UST: variants seen among roughly 807,000 people sequenced by gnomAD.
UST encodes the protein chondroitin sulfate 2-O-sulfotransferase.
A neutral mutation model predicts 45.6 loss-of-function variants in UST; 21 were observed. That is an observed-to-expected ratio of 0.46 (90% CI 0.33 to 0.66). The LOEUF is 0.66. Ranked by LOEUF, UST falls within the 30% of genes least tolerant of loss-of-function variation. UST has a pLI of 0.02. For missense variants in UST, 463 were observed against 512.4 expected, an observed-to-expected ratio of 0.90 and a Z score of 0.93; for synonymous variants, 215 against 200.6, an observed-to-expected ratio of 1.07 and a Z score of -0.61.
At chr6:148,978,846 T>TAAA (rs986854968) in intron 5 of UST, among the ~76,000 whole-genome samples, 294 of 151,342 alleles carry the variant, frequency 1.9e-3, no homozygotes, top group African/African-American at 6.5e-3. Flanking sequence ...AAAATTTTTT[T>TAAA]AAAAAAAAAT....
At chr6:148,764,351 C>G (rs781593549) in intron 1 of UST, among the ~76,000 whole-genome samples, 13 of 152,178 alleles carry the variant, frequency 8.5e-5, no homozygotes, top group Non-Finnish European at 1.8e-4. Context: ...TGTCCTGAAA[C>G]TTTACTGAAG....
At chr6:149,015,936 G>A (rs1488027598) in intron 5 of UST, among the ~76,000 whole-genome samples, 1 of 152,146 alleles carries the variant, frequency 6.6e-6, no homozygotes, top group African/African-American at 2.4e-5. Flanking sequence ...AGTGGACTGG[G>A]TAGGAGGTGC....
intron 1 of UST, among the ~76,000 whole-genome samples, chr6:148,867,285 T>TACACACACACACACAC (rs58093813): frequency 7.3e-6 from 1 of 136,740 alleles, no homozygotes. Flanking sequence ...CATTGTTGAA[T>TACACACACACACACAC]ACACACACAC....
intron 7 of UST, among the ~76,000 whole-genome samples, chr6:149,065,666 G>A (rs146202050): frequency 1.5e-3 from 225 of 152,162 alleles, no homozygotes; most frequent in Non-Finnish European, 2.2e-3. Flanking sequence ...TGCAAAAGAG[G>A]GGTCATGATA....
intron 7 of UST, among the ~76,000 whole-genome samples, chr6:149,047,760 G>A (rs756295435): frequency 4.6e-5 from 7 of 152,126 alleles, no homozygotes; most frequent in South Asian, 2.1e-4. Flanking sequence ...TTCCTCACAT[G>A]AGCATATAAT....
chr6:148,874,467 T>C (rs1409732255), intron 1 of UST, among the ~76,000 whole-genome samples: 2 of 152,242 alleles, frequency 1.3e-5, no homozygotes, highest in Non-Finnish European at 2.9e-5. Flanking sequence ...TCATAATTGA[T>C]AGCATTTTAA....
intron 2 of UST, among the ~76,000 whole-genome samples, chr6:148,894,691 G>A (rs946310236): frequency 2.6e-5 from 4 of 152,030 alleles, no homozygotes; most frequent in Non-Finnish European, 4.4e-5. Context: ...CAATGCAAAT[G>A]GATTGAGTTT....
intron 1 of UST, among the ~76,000 whole-genome samples, chr6:148,836,365 C>G (rs774707043): frequency 7.2e-5 from 11 of 152,178 alleles, no homozygotes; most frequent in Non-Finnish European, 7.4e-5. Flanking sequence ...TGTGTTAACT[C>G]CATCTCACAA....
In UST at chr6:148,959,885, G is replaced by A. The variant is rs540328636; in HGVS notation, c.528-4525G>A. 1.3e-3 allele frequency among the ~76,000 whole-genome samples: 198 copies of A among 151,990 alleles called. 1 individual carries two copies. Among genetic ancestry groups the A allele is most frequent in the African/African-American group, 4.6e-3 (190 of 41,442 alleles). Reference sequence around the variant, plus strand: ...AGTCCTGGGCAGAGGAGATGGAAGTGCCCACTGCAGGGGGTGTGAGGACAG... The same window carrying A: ...AGTCCTGGGCAGAGGAGATGGAAGTACCCACTGCAGGGGGTGTGAGGACAG... On this transcript the variant is annotated intron_variant, in intron 4 of 7. Coordinates refer to ENST00000367463, the MANE Select transcript of UST (RefSeq NM_005715.3).
chr6:148,865,170 A>G (rs770747506), intron 1 of UST, among the ~76,000 whole-genome samples: 16 of 152,204 alleles, frequency 1.1e-4, no homozygotes, highest in Non-Finnish European at 2.2e-4. Context: ...TTGGTGTGGC[A>G]TGTTTAAGAA....
chr6:148,747,582 G>A lies in UST; in HGVS notation c.152G>A (p.Cys51Tyr). The A allele has an allele frequency of 6.3e-7, 1 of 1,591,692 alleles. No individual in the cohort carries two copies. The highest frequency in any genetic ancestry group is 2.3e-5 in the East Asian group (1 of 43,342). Residue 51 changes from cysteine to tyrosine, a missense_variant, in exon 1 of 8, where the codon TGC becomes TAC. By Grantham distance (194) the Cys-to-Tyr change is radical. Around this residue, in one of 2 missense-constraint regions of UST, gnomAD observed 176 missense variants for 138.3 expected, o/e 1.27. Transcript: ENST00000367463. ...TTCTCCCTCCGGGACTACGGCTTCTGCATGGCCACCCTGCTGGTCTTCTGC... is the reference window on the plus strand; with the variant it reads ...TTCTCCCTCCGGGACTACGGCTTCTACATGGCCACCCTGCTGGTCTTCTGC... The part of the protein sequence containing the change: ...LRFSLRDYGF[C>Y]MATLLVFCLG...
At chr6:148,911,929 G>T (rs1390695101) in intron 2 of UST, among the ~76,000 whole-genome samples, 1 of 152,114 alleles carries the variant, frequency 6.6e-6, no homozygotes, top group African/African-American at 2.4e-5. Context: ...GGCCATAGTG[G>T]CTCACGCCTG....
At chr6:148,764,634 G>A (rs957356572) in intron 1 of UST, among the ~76,000 whole-genome samples, 13 of 152,224 alleles carry the variant, frequency 8.5e-5, no homozygotes, top group African/African-American at 2.4e-4. Flanking sequence ...ATCACATGTC[G>A]GCAGGTTCCA....
At chr6:148,992,393 C>CCATT in intron 5 of UST, among the ~76,000 whole-genome samples, 1 of 152,144 alleles carries the variant, frequency 6.6e-6, no homozygotes, top group East Asian at 1.9e-4. Flanking sequence ...GGGGTGAACC[C>CCATT]GAGGGGCGGA....
intron 2 of UST, among the ~76,000 whole-genome samples, chr6:148,924,759 C>T (rs1779780600): frequency 6.6e-6 from 1 of 152,100 alleles, no homozygotes; most frequent in Non-Finnish European, 1.5e-5. Flanking sequence ...GGGTAACAGA[C>T]CCCAACCCAA....
chr6:148,950,053 T>C (rs534768664), intron 3 of UST, among the ~76,000 whole-genome samples: 6 of 152,350 alleles, frequency 3.9e-5, no homozygotes, highest in South Asian at 2.1e-4. Flanking sequence ...CTCCCTTCCA[T>C]TGGCAGGTAG....
intron 5 of UST, among the ~76,000 whole-genome samples, chr6:148,983,138 C>T (rs1295693897): frequency 6.6e-6 from 1 of 152,194 alleles, no homozygotes; most frequent in Non-Finnish European, 1.5e-5. Context: ...AAGGGCTTTT[C>T]GCTTTAAAAA....
chr6:148,861,778 G>C (rs902368805), intron 1 of UST, among the ~76,000 whole-genome samples: 1 of 152,160 alleles, frequency 6.6e-6, no homozygotes, highest in African/African-American at 2.4e-5. Context: ...TCAGGAGCAG[G>C]TCATTCAGTT....
chr6:148,852,869 AC>A (rs1477873126), intron 1 of UST, among the ~76,000 whole-genome samples: 2 of 151,564 alleles, frequency 1.3e-5, no homozygotes, highest in Non-Finnish European at 2.9e-5. Context: ...GAACCCCCCA[AC>A]CCCCATGTGT....
Sources: allele counts gnomAD v4.1 joint callset (sites outside exome capture counted in the v4.1 genomes callset), GRCh38; gene constraint gnomAD v4.1.1; regional missense constraint gnomAD v4.1.1; transcripts MANE v1.5; gene names NCBI Gene and HGNC (gene_info 2026-07-23, HGNC 2026-07-21).